CSMD1: variants seen among roughly 807,000 people sequenced by gnomAD.
CSMD1 encodes the protein CUB and Sushi multiple domains 1.
In CSMD1, 213 loss-of-function variants were observed where a neutral mutation model predicts 417.5. The ratio of observed to expected loss-of-function variants is 0.51; its 90% CI spans 0.46 to 0.57. The LOEUF (loss-of-function observed/expected upper bound fraction) is 0.57, where lower values mean the gene tolerates loss of function less well. Ranked by LOEUF, CSMD1 falls within the 20% of genes least tolerant of loss-of-function variation. The probability of loss-of-function intolerance (pLI) is 0.00; values close to 1 mark genes in which losing one functional copy is unlikely to be tolerated. For missense variants in CSMD1, 6,923 were observed against 4,529.7 expected, an observed-to-expected ratio of 1.53 and a Z score of -15.17; for synonymous variants, 2,862 against 1,736.8, an observed-to-expected ratio of 1.65 and a Z score of -16.11.
intron 2 of CSMD1, among the ~76,000 whole-genome samples, chr8:4,565,844 A>C (rs1000906523): frequency 3.4e-5 from 5 of 146,116 alleles, no homozygotes; most frequent in African/African-American, 1.3e-4. Flanking sequence ...CACACACACA[A>C]ATTTAGTCAT....
intron 5 of CSMD1, among the ~76,000 whole-genome samples, chr8:3,785,633 G>A (rs894165845): frequency 3.3e-5 from 5 of 152,172 alleles, no homozygotes; most frequent in African/African-American, 1.2e-4. Context: ...AGTTACCATC[G>A]AGTGTTTATT....
Position 3,933,031 on chromosome 8 carries a change from TAAA to T in CSMD1, c.818+64869_818+64871del, listed in dbSNP as rs5889000. Reference sequence around the variant, plus strand: ...ATTATAGAACAAGTGAAATGTATGATAAAAAAAAAAAACTGCTTGTGGCAAATT... The same window carrying T: ...ATTATAGAACAAGTGAAATGTATGATAAAAAAAAACTGCTTGTGGCAAATT... On this transcript the variant is annotated intron_variant, in intron 5 of 69. Coordinates refer to ENST00000635120, the MANE Select transcript of CSMD1 (RefSeq NM_033225.6). 6.6e-3 allele frequency among the ~76,000 whole-genome samples: 943 copies of T among 143,054 alleles called. 58 individuals are homozygous for T. The highest frequency in any genetic ancestry group is 0.022 in the African/African-American group (862 of 38,978). The allele number at this position is 143,054 out of a possible 152,430, so 93.8% of individuals were successfully genotyped here. A position where few individuals can be genotyped will look rare whatever the true frequency, so the allele number is the denominator to read the frequency against.
At chr8:3,297,816 T>C (rs1804084046) in intron 25 of CSMD1, among the ~76,000 whole-genome samples, 1 of 152,068 alleles carries the variant, frequency 6.6e-6, no homozygotes, top group Non-Finnish European at 1.5e-5. Context: ...TACATTTAAA[T>C]ATAGTTTAAA....
chr8:3,955,387 C>G (rs1211723725), intron 5 of CSMD1, among the ~76,000 whole-genome samples: 1 of 152,122 alleles, frequency 6.6e-6, no homozygotes, highest in Non-Finnish European at 1.5e-5. Flanking sequence ...CAGAGATTTT[C>G]CAAAAATGAC....
intron 5 of CSMD1, among the ~76,000 whole-genome samples, chr8:3,826,574 G>C (rs902816882): frequency 1.3e-5 from 2 of 152,074 alleles, no homozygotes; most frequent in African/African-American, 2.4e-5. Flanking sequence ...TCTGGGTTGA[G>C]ATTAACCACT....
chr8:4,608,849 T>C (rs1563331010), intron 2 of CSMD1, among the ~76,000 whole-genome samples: 1 of 152,196 alleles, frequency 6.6e-6, no homozygotes, highest in African/African-American at 2.4e-5. Context: ...GATTGCTTTC[T>C]ATAGAACAGG....
intron 1 of CSMD1, among the ~76,000 whole-genome samples, chr8:4,978,533 G>A (rs1810695201): frequency 1.3e-5 from 2 of 152,098 alleles, no homozygotes. Context: ...TTACTATATT[G>A]CCAAGTAAAT....
At chr8:4,656,889 A>G (rs553931962) in intron 1 of CSMD1, among the ~76,000 whole-genome samples, 45 of 152,160 alleles carry the variant, frequency 3.0e-4, no homozygotes, top group African/African-American at 1.1e-3. Flanking sequence ...CCAACATCTT[A>G]TCTGTCCTAA....
chr8:3,925,323 A>C (rs1409794585), intron 5 of CSMD1, among the ~76,000 whole-genome samples: 4 of 152,238 alleles, frequency 2.6e-5, no homozygotes, highest in Non-Finnish European at 5.9e-5. Context: ...GTACTTGTGC[A>C]TTTATATATT....
chr8:4,933,342 T>C (rs893766814), intron 1 of CSMD1, among the ~76,000 whole-genome samples: 2 of 152,200 alleles, frequency 1.3e-5, no homozygotes, highest in Non-Finnish European at 2.9e-5. Context: ...CGTTTAAATA[T>C]AGTATCCCCC....
intron 5 of CSMD1, among the ~76,000 whole-genome samples, chr8:3,863,984 G>C (rs1044272983): frequency 7.2e-5 from 11 of 152,148 alleles, no homozygotes; most frequent in Non-Finnish European, 1.6e-4. Context: ...TGCAGTCTAG[G>C]TTTGTAGAAA....
At chr8:3,070,330 C>A (rs575435808) in intron 49 of CSMD1, among the ~76,000 whole-genome samples, 1 of 152,234 alleles carries the variant, frequency 6.6e-6, no homozygotes, top group Non-Finnish European at 1.5e-5. Flanking sequence ...CTCTGCCACA[C>A]GGCCAGCCTG....
intron 3 of CSMD1, among the ~76,000 whole-genome samples, chr8:4,246,388 G>T (rs1453632933): frequency 6.6e-6 from 1 of 152,140 alleles, no homozygotes; most frequent in Non-Finnish European, 1.5e-5. Flanking sequence ...AAAATATTCT[G>T]CAGCTGCTGT....
At chr8:4,016,973 T>A (rs1453092475) in intron 4 of CSMD1, among the ~76,000 whole-genome samples, 2 of 152,142 alleles carry the variant, frequency 1.3e-5, no homozygotes, top group Non-Finnish European at 2.9e-5. Context: ...CCCTAATGTC[T>A]AAAACCCTGA....
chr8:3,411,794 A>C (rs1032185018), intron 12 of CSMD1, among the ~76,000 whole-genome samples: 5 of 118,130 alleles, frequency 4.2e-5, no homozygotes, highest in Non-Finnish European at 6.7e-5. Flanking sequence ...GTATATATAC[A>C]CGTATATATA....
chr8:4,052,353 C>G (rs1563059571), intron 3 of CSMD1, among the ~76,000 whole-genome samples: 1 of 152,202 alleles, frequency 6.6e-6, no homozygotes, highest in Non-Finnish European at 1.5e-5. Flanking sequence ...AATGATAACA[C>G]TCACGTGTAT....
chr8:3,515,401 G>T (rs529014119), intron 10 of CSMD1: 5 of 152,170 alleles, frequency 3.3e-5, no homozygotes, highest in Admixed American at 1.3e-4. Flanking sequence ...TCTTGAAAAT[G>T]TTGGTGAAGT....
Position 3,972,658 on chromosome 8 carries a change from G to C in CSMD1, c.818+25245C>G, listed in dbSNP as rs150997812. On this transcript the variant is annotated intron_variant, in intron 5 of 69. Coordinates refer to ENST00000635120, the MANE Select transcript of CSMD1 (RefSeq NM_033225.6). ...TAGTTTACATGTGATAGTAAGAATA[G>C]TAACAGATTATGACCAGTGTTAGCA... is the stretch of plus-strand genomic sequence containing the variant. 1.7e-3 allele frequency among the ~76,000 whole-genome samples: 253 copies of C among 152,288 alleles called. 1 individual carries two copies. Among genetic ancestry groups the C allele is most frequent in the African/African-American group, 5.6e-3 (231 of 41,562 alleles).
chr8:3,393,963 A>G (rs1284187023), intron 17 of CSMD1, among the ~76,000 whole-genome samples: 9 of 135,730 alleles, frequency 6.6e-5, no homozygotes, highest in African/African-American at 2.5e-4. Flanking sequence ...CGTTGTGCAC[A>G]TGTACCCTAG....
Sources: gnomAD v4.1 joint callset for allele counts (sites outside exome capture counted in the v4.1 genomes callset) on GRCh38, gnomAD v4.1.1 for gene constraint, MANE v1.5 for transcripts, NCBI Gene and HGNC (gene_info 2026-07-23, HGNC 2026-07-21) for gene names.